Variants in LUC7L3 observed in about 807,000 individuals in gnomAD.
The protein encoded by LUC7L3 is luc7-like protein 3.
A neutral mutation model predicts 66.8 loss-of-function variants in LUC7L3; 6 were observed. The observed-to-expected ratio is 0.09, with a 90% CI of 0.05 to 0.18. The LOEUF is 0.18. Ranked by LOEUF, LUC7L3 falls within the 10% of genes least tolerant of loss-of-function variation. LUC7L3 has a pLI of 1.00. For synonymous variants in LUC7L3, 160 were observed against 174.7 expected (o/e 0.92, Z 0.66); for missense variants, 341 against 531.1 (o/e 0.64, Z 3.52).
At chr17:50,742,202 C>T (rs1016909926) in intron 5 of LUC7L3, among the ~76,000 whole-genome samples, 8 of 152,290 alleles carry the variant, frequency 5.3e-5, no homozygotes, top group African/African-American at 1.7e-4. Context: ...ACCTATTTGA[C>T]ACCTATGAGA....
chr17:50,737,710 C>A (rs1970066212), intron 2 of LUC7L3, among the ~76,000 whole-genome samples: 1 of 151,964 alleles, frequency 6.6e-6, no homozygotes, highest in South Asian at 2.1e-4. Flanking sequence ...GCCAGATGTC[C>A]CCCAGGATGC....
Position 50,753,873 on chromosome 17 carries a change from A to G in LUC7L3, c.*3212A>G, listed in dbSNP as rs1021918994. The G allele has an allele frequency of 3.9e-5, 6 of 152,188 alleles. No homozygotes were observed. Among genetic ancestry groups the G allele is most frequent in the South Asian group, 2.1e-4 (1 of 4,830 alleles). 9.4% of individuals were successfully genotyped at this position (152,188 alleles called of 1,614,324 possible). ...GAGTTCATATGAAAAGGCTTCCTCT[A>G]TGGACACTTAGATATATTGTAACTA... On this transcript the variant is annotated 3_prime_UTR_variant, in exon 10 of 10. Coordinates refer to ENST00000505658, the MANE Select transcript of LUC7L3 (RefSeq NM_016424.5).
At chr17:50,724,430 A>T (rs1315716738) in intron 1 of LUC7L3, among the ~76,000 whole-genome samples, 5 of 152,028 alleles carry the variant, frequency 3.3e-5, no homozygotes, top group Admixed American at 1.3e-4. Flanking sequence ...TTGAGGCAGG[A>T]GGATCCTTTC....
chr17:50,745,656 T>C (rs982376612), intron 7 of LUC7L3, 64 bp from the exon 8 acceptor site: 15 of 1,327,614 alleles, frequency 1.1e-5, no homozygotes, highest in Non-Finnish European at 1.5e-5. Flanking sequence ...TTCACATTAG[T>C]TGACCATTGT....
intron 1 of LUC7L3, chr17:50,723,430 C>T (rs1968928451): frequency 6.6e-6 from 1 of 152,336 alleles, no homozygotes; most frequent in South Asian, 2.1e-4. Flanking sequence ...ATAGCTAAAG[C>T]TTCTGTCCAC....
Position 50,755,587 on chromosome 17 carries a change from A to G in LUC7L3, c.*4926A>G, listed in dbSNP as rs541048536. On this transcript the variant is annotated 3_prime_UTR_variant, in exon 10 of 10. Coordinates refer to ENST00000505658, the MANE Select transcript of LUC7L3 (RefSeq NM_016424.5). The stretch of plus-strand genomic sequence containing the variant: ...TGTAGCTGATCTATTTCTTCCCCTC[A>G]GCCATCCCAAATAGGTCATTTGTCA... 21 of 152,348 alleles carry G rather than the reference A, an allele frequency of 1.4e-4. No homozygotes were observed. Among genetic ancestry groups the G allele is most frequent in the African/African-American group, 4.6e-4 (19 of 41,584 alleles). 9.4% of individuals were successfully genotyped at this position (152,348 alleles called of 1,614,324 possible). A position where few individuals can be genotyped will look rare whatever the true frequency, so the allele number is the denominator to read the frequency against.
At chr17:50,743,839 A>C in intron 6 of LUC7L3, 29 bp downstream of exon 6, 629 of 1,469,290 alleles carry the variant, frequency 4.3e-4, no homozygotes, top group Non-Finnish European at 5.6e-4. Flanking sequence ...ACATTATCTC[A>C]TCTGTCTGTT....
intron 1 of LUC7L3, among the ~76,000 whole-genome samples, chr17:50,724,439 T>G (rs560805993): frequency 1.8e-4 from 28 of 152,110 alleles, no homozygotes; most frequent in African/African-American, 6.3e-4. Context: ...GAGGATCCTT[T>G]CAACCCAGGA....
chr17:50,739,451 A>G (rs191529960), intron 2 of LUC7L3, among the ~76,000 whole-genome samples: 2 of 152,332 alleles, frequency 1.3e-5, no homozygotes, highest in Non-Finnish European at 2.9e-5. Context: ...GAGGAGTTCA[A>G]GAACAGCTTG....
rs143037199 is a variant in LUC7L3, at chr17:50,729,860, T to A, written c.100-7100T>A. 2.8e-3 allele frequency among the ~76,000 whole-genome samples: 388 copies of A among 140,114 alleles called. 16 individuals are homozygous for A. The East Asian group carries it at 0.07, about 25-fold the overall frequency. The allele number at this position is 140,114 out of a possible 152,430, so 91.9% of individuals were successfully genotyped here. A position where few individuals can be genotyped will look rare whatever the true frequency, so the allele number is the denominator to read the frequency against. ...CCAACATGAGTTGTGTTGCCAGTGT[T>A]TAGATAATCAGAAGTATATATTGAA... On this transcript the variant is annotated intron_variant, in intron 1 of 9. Transcript: ENST00000505658.
At chr17:50,723,985 A>T (rs1597885925) in intron 1 of LUC7L3, 1 of 455,910 alleles carries the variant, frequency 2.2e-6, no homozygotes. Flanking sequence ...GGCTTCTCAG[A>T]ATTGCCAGCA....
chr17:50,743,639 TG>T, intron 5 of LUC7L3, 66 bp from the exon 6 acceptor site: 1 of 1,003,412 alleles, frequency 1.0e-6, no homozygotes, highest in Non-Finnish European at 1.5e-6. Flanking sequence ...TAATGAACCA[TG>T]GGGAAAAAAG....
Position 50,741,851 on chromosome 17 carries a change from G to A in LUC7L3, c.426+120G>A, listed in dbSNP as rs1263142838. 1.5e-5 allele frequency: 10 copies of A among 667,274 alleles called. No individual in the cohort carries two copies. In the East Asian group the frequency reaches 2.7e-4, roughly 18 times the overall value. 41.3% of individuals were successfully genotyped at this position (667,274 alleles called of 1,614,324 possible). A position where few individuals can be genotyped will look rare whatever the true frequency, so the allele number is the denominator to read the frequency against. On this transcript the variant is annotated intron_variant, in intron 5 of 9. Coordinates refer to ENST00000505658, the MANE Select transcript of LUC7L3 (RefSeq NM_016424.5). ...TATAATCCCAGCACTTTGGGAGGCC[G>A]AGGCGGGAGGATTGCTTGAGCCGGA...
chr17:50,732,794 C>T (rs1384358182), intron 1 of LUC7L3, among the ~76,000 whole-genome samples: 3 of 152,162 alleles, frequency 2.0e-5, no homozygotes, highest in East Asian at 1.9e-4. Flanking sequence ...TGGAGTGCAG[C>T]GGTGTGATCA....
intron 1 of LUC7L3, among the ~76,000 whole-genome samples, chr17:50,732,273 C>CT (rs749665496): frequency 2.0e-5 from 3 of 152,226 alleles, no homozygotes; most frequent in Admixed American, 6.5e-5. Flanking sequence ...CAGCCTGGCA[C>CT]TTTAACACCC....
Position 50,741,246 on chromosome 17 carries a change from G to A in LUC7L3, c.351G>A (p.Gly117=). Residue 117 remains glycine (G), a splice_region_variant and synonymous_variant, in exon 4 of 10, where the codon GGG becomes GGA. Transcript: ENST00000505658. ...LALSQNQQSS[G]AAGPTGKNEE... is the part of the protein sequence containing the mutation. Reference sequence around the variant, plus strand: ...TATCTCAAAACCAGCAGTCTTCTGGGGTAAGTGAAGTCAATTCAGTCTTTG... The same window carrying A: ...TATCTCAAAACCAGCAGTCTTCTGGAGTAAGTGAAGTCAATTCAGTCTTTG... 1 of 1,613,866 alleles carries A rather than the reference G, an allele frequency of 6.2e-7. No homozygotes were observed. Among genetic ancestry groups the A allele is most frequent in the South Asian group, 1.1e-5 (1 of 91,046 alleles).
intron 9 of LUC7L3, chr17:50,749,128 A>G: frequency 9.9e-7 from 1 of 1,010,218 alleles, no homozygotes; most frequent in Non-Finnish European, 1.3e-6. Context: ...TCTCTTTGTC[A>G]AGAGAGTTTC....
chr17:50,755,077 C>G lies in LUC7L3; in HGVS notation c.*4416C>G, dbSNP rs891498973. 1 of 152,058 alleles carries G rather than the reference C, an allele frequency of 6.6e-6. No homozygotes were observed. The highest frequency in any genetic ancestry group is 1.9e-4 in the East Asian group (1 of 5,194). The allele number at this position is 152,058 out of a possible 1,614,324, so 9.4% of individuals were successfully genotyped here. ...CAATTCTGTGGGATGGGACTTCATGCAGGATTGGTTTTCAAGTTTGATTTC... is the reference window on the plus strand; with the variant it reads ...CAATTCTGTGGGATGGGACTTCATGGAGGATTGGTTTTCAAGTTTGATTTC... On this transcript the variant is annotated 3_prime_UTR_variant, in exon 10 of 10. Coordinates refer to ENST00000505658, the MANE Select transcript of LUC7L3 (RefSeq NM_016424.5).
chr17:50,750,726 C>T lies in LUC7L3; in HGVS notation c.*65C>T. The T allele has an allele frequency of 1.2e-6, 2 of 1,613,380 alleles. No individual in the cohort carries two copies. Among genetic ancestry groups the T allele is most frequent in the South Asian group, 1.1e-5 (1 of 91,056 alleles). Reference sequence around the variant, plus strand: ...GTATTGTTTCTCACTTTGATTAGGGCTTTTTGTTACTGTTTGACAGTGCAG... The same window carrying T: ...GTATTGTTTCTCACTTTGATTAGGGTTTTTTGTTACTGTTTGACAGTGCAG... On this transcript the variant is annotated 3_prime_UTR_variant, in exon 10 of 10. Transcript: ENST00000505658.
Sources: gnomAD v4.1 joint callset for allele counts (sites outside exome capture counted in the v4.1 genomes callset) on GRCh38, gnomAD v4.1.1 for gene constraint, MANE v1.5 for transcripts, NCBI Gene and HGNC (gene_info 2026-07-23, HGNC 2026-07-21) for gene names.